PLXNA2: variants seen among roughly 807,000 people sequenced by gnomAD.
PLXNA2 encodes plexin A2.
Under a neutral mutation model 193.5 loss-of-function variants are expected in PLXNA2, and 91 were observed. The observed-to-expected ratio is 0.47, with a 90% CI of 0.40 to 0.56. The LOEUF (loss-of-function observed/expected upper bound fraction) is 0.56, where lower values mean the gene tolerates loss of function less well. Ranked by LOEUF, PLXNA2 falls within the 20% of genes least tolerant of loss-of-function variation. PLXNA2 has a pLI of 0.00. For missense variants in PLXNA2, 1,995 were observed against 2,503.2 expected, an observed-to-expected ratio of 0.80 and a Z score of 4.33; for synonymous variants, 997 against 1,027.3, an observed-to-expected ratio of 0.97 and a Z score of 0.56.
chr1:208,202,514 C>G (rs1670582972), intron 3 of PLXNA2, among the ~76,000 whole-genome samples: 1 of 152,142 alleles, frequency 6.6e-6, no homozygotes, highest in African/African-American at 2.4e-5. Context: ...CCCCTATACT[C>G]TTTGTTATGC....
intron 12 of PLXNA2, among the ~76,000 whole-genome samples, chr1:208,076,456 G>A (rs555791587): frequency 1.3e-5 from 2 of 152,096 alleles, no homozygotes; most frequent in African/African-American, 4.8e-5. Flanking sequence ...TGAAATCCAC[G>A]GCTATCAATT....
chr1:208,052,970 G>A (rs1200090387), intron 14 of PLXNA2, among the ~76,000 whole-genome samples: 1 of 152,078 alleles, frequency 6.6e-6, no homozygotes, highest in African/African-American at 2.4e-5. Flanking sequence ...CTGGTGCAGA[G>A]AGCTGTCAGT....
At chr1:208,233,971 G>T (rs1671773229) in intron 1 of PLXNA2, among the ~76,000 whole-genome samples, 1 of 152,194 alleles carries the variant, frequency 6.6e-6, no homozygotes, top group Non-Finnish European at 1.5e-5. Flanking sequence ...CAGATGGGAA[G>T]AGAAGAGGAG....
At position 208,236,242 on chromosome 1, in the gene PLXNA2, T is replaced by G. The variant is rs1253459737; in HGVS notation, c.-81+7401A>C. Among the ~76,000 whole-genome samples the G allele has an allele frequency of 6.6e-6, 1 of 152,166 alleles. No individual in the cohort carries two copies. The highest frequency in any genetic ancestry group is 1.9e-4 in the East Asian group (1 of 5,182). On this transcript the variant is annotated intron_variant, in intron 1 of 31. Coordinates refer to ENST00000367033, the MANE Select transcript of PLXNA2 (RefSeq NM_025179.4). The surrounding 1 kb of genome is among the most constrained non-coding windows in gnomAD (Gnocchi z 4.4). ...TCAGTGAAATTCAAAAAATTGGCTC[T>G]TCTCCTTCAGGTATTTTTGTTCCTC...
chr1:208,031,123 A>G, intron 29 of PLXNA2: 1 of 999,636 alleles, frequency 1.0e-6, no homozygotes, highest in African/African-American at 1.7e-5. Flanking sequence ...GGTGCTGACC[A>G]ACTTCACCGG....
At chr1:208,030,409 C>T (rs1312670821) in intron 29 of PLXNA2, 2 of 985,566 alleles carry the variant, frequency 2.0e-6, no homozygotes, top group East Asian at 1.1e-4. Flanking sequence ...TCTCCCAGCG[C>T]TGGGCCGGGG....
At chr1:208,169,977 C>T (rs10157787) in intron 3 of PLXNA2, among the ~76,000 whole-genome samples, 87,974 of 152,052 alleles carry the variant, frequency 0.58, 26,220 homozygotes, top group East Asian at 0.99. Flanking sequence ...GACACCAGGA[C>T]CTCCAAGAAC....
In PLXNA2 at chr1:208,192,382, A is replaced by G. The variant is rs575769110; in HGVS notation, c.1371+17898T>C. ...TGACTGTGGTGCAGGTATGCCTATT[A>G]CCCAGGGTACATAACATGTGATGAT... On this transcript the variant is annotated intron_variant, in intron 3 of 31. Transcript: ENST00000367033. Among the ~76,000 whole-genome samples the G allele has an allele frequency of 7.2e-5, 11 of 152,042 alleles. No homozygotes were observed. The East Asian group carries it at 2.1e-3, about 29-fold the overall frequency.
At position 208,052,212 on chromosome 1, in the gene PLXNA2, T is replaced by C; in HGVS notation, c.2993+115A>G. The C allele has an allele frequency of 3.9e-6, 4 of 1,031,932 alleles. No homozygotes were observed. The South Asian group carries it at 4.5e-5, about 11-fold the overall frequency. The allele number at this position is 1,031,932 out of a possible 1,614,324, so 63.9% of individuals were successfully genotyped here. On this transcript the variant is annotated intron_variant, in intron 15 of 31. Transcript: ENST00000367033. ...CCGGTATGGTATTTGGGTCTAGGTG[T>C]AGCAAATAACATGGAGGTGATGGGG...
intron 26 of PLXNA2, among the ~76,000 whole-genome samples, chr1:208,037,772 T>C (rs1664718446): frequency 6.6e-6 from 1 of 151,958 alleles, no homozygotes. Flanking sequence ...TGTCTGCCAG[T>C]GTGCTAAACA....
At position 208,023,561 on chromosome 1, in the gene PLXNA2, T is replaced by C. The variant is rs898380197; in HGVS notation, c.*3682A>G. The stretch of plus-strand genomic sequence containing the variant: ...GGTGAAGTGCAGCCAGAAGAGATGG[T>C]GGCAGTAGAAACAAGAGCAGCTCTC... On this transcript the variant is annotated 3_prime_UTR_variant, in exon 32 of 32. Coordinates refer to ENST00000367033, the MANE Select transcript of PLXNA2 (RefSeq NM_025179.4). 4 of 152,692 alleles carry C rather than the reference T, an allele frequency of 2.6e-5. No individual in the cohort carries two copies. The highest frequency in any genetic ancestry group is 7.2e-5 in the African/African-American group (3 of 41,420). The allele number at this position is 152,692 out of a possible 1,614,324, so 9.5% of individuals were successfully genotyped here.
intron 12 of PLXNA2, among the ~76,000 whole-genome samples, chr1:208,061,232 C>T (rs1313275583): frequency 1.3e-5 from 2 of 152,138 alleles, no homozygotes; most frequent in Admixed American, 6.5e-5. Context: ...TTTCTGCCAA[C>T]CTCAAAGGGA....
chr1:208,103,260 G>A lies in PLXNA2; in HGVS notation c.1507-13C>T, dbSNP rs1234574411. ...GGACCCTGGTGACCTGGCAGAGAGA[G>A]CAAAGAGGGTACAGTGAGGTTAGGC... On this transcript the variant is annotated splice_polypyrimidine_tract_variant and intron_variant, in intron 4 of 31. Coordinates refer to ENST00000367033, the MANE Select transcript of PLXNA2 (RefSeq NM_025179.4). 6.2e-7 allele frequency: 1 copy of A among 1,603,202 alleles called. No individual in the cohort carries two copies. Among genetic ancestry groups the A allele is most frequent in the Admixed American group, 1.7e-5 (1 of 59,846 alleles).
intron 3 of PLXNA2, among the ~76,000 whole-genome samples, chr1:208,167,423 A>G (rs1230033306): frequency 6.6e-6 from 1 of 152,188 alleles, no homozygotes; most frequent in East Asian, 1.9e-4. Flanking sequence ...AGTGCACACT[A>G]TATAATTAAA....
chr1:208,172,888 G>A (rs2498039), intron 3 of PLXNA2, among the ~76,000 whole-genome samples: 146,513 of 152,286 alleles, frequency 0.96, 70,731 homozygotes, highest in East Asian at 1. Flanking sequence ...GCAGCTCCCA[G>A]TGAATATGAC....
intron 4 of PLXNA2, among the ~76,000 whole-genome samples, chr1:208,108,614 C>T (rs1667352914): frequency 6.6e-6 from 1 of 152,206 alleles, no homozygotes; most frequent in Non-Finnish European, 1.5e-5. Flanking sequence ...CAGAAAACCT[C>T]ACATGATTCT....
chr1:208,186,722 T>TTTTGTTTTTTTTTTG (rs1558234687), intron 3 of PLXNA2, among the ~76,000 whole-genome samples: 1 of 143,804 alleles, frequency 7.0e-6, no homozygotes, highest in African/African-American at 2.7e-5. Context: ...TATTTTTTTT[T>TTTTGTTTTTTTTTTG]TTTTTTTTGA....
Position 208,027,038 on chromosome 1 carries a change from C to T in PLXNA2, c.*205G>A, listed in dbSNP as rs1558151910. 5.8e-6 allele frequency: 3 copies of T among 516,516 alleles called. No homozygotes were observed. The highest frequency in any genetic ancestry group is 2.5e-5 in the South Asian group (1 of 40,194). The allele number at this position is 516,516 out of a possible 1,614,324, so 32.0% of individuals were successfully genotyped here. On this transcript the variant is annotated 3_prime_UTR_variant, in exon 32 of 32. Transcript: ENST00000367033. Reference sequence around the variant, plus strand: ...CTCTGGTGTTCTCACTGAGGATGGACGACGCCCACTGTCTCTCCCAGCTGG... The same window carrying T: ...CTCTGGTGTTCTCACTGAGGATGGATGACGCCCACTGTCTCTCCCAGCTGG...
intron 26 of PLXNA2, among the ~76,000 whole-genome samples, chr1:208,037,410 G>A (rs577129735): frequency 5.6e-4 from 85 of 152,276 alleles, no homozygotes; most frequent in African/African-American, 1.8e-3. Context: ...CAGCTCCAGC[G>A]CCTGGTGGTT....
Sources: gnomAD v4.1 joint callset for allele counts (sites outside exome capture counted in the v4.1 genomes callset) on GRCh38, gnomAD v4.1.1 for gene constraint, Gnocchi (gnomAD v3.1) non-coding constraint, MANE v1.5 for transcripts, NCBI Gene and HGNC (gene_info 2026-07-23, HGNC 2026-07-21) for gene names.